The following COL18A1 variants were observed in gnomAD, a reference collection of about 807,000 sequenced individuals.
COL18A1 encodes the protein collagen alpha-1(XVIII) chain.
Under a neutral mutation model 168.0 loss-of-function variants are expected in COL18A1, and 133 were observed. The ratio of observed to expected loss-of-function variants is 0.79; its 90% CI spans 0.69 to 0.91. The LOEUF (loss-of-function observed/expected upper bound fraction) is 0.91. COL18A1 is among the 40% of genes least tolerant of loss of function. COL18A1 has a pLI of 0.00. For missense variants in COL18A1, 2,126 were observed against 1,925.4 expected (o/e 1.10, Z -1.95); for synonymous variants, 949 against 809.0 (o/e 1.17, Z -2.94).
chr21:45,440,177 C>A (rs1252688606), intron 2 of COL18A1, among the ~76,000 whole-genome samples: 2 of 152,222 alleles, frequency 1.3e-5, no homozygotes, highest in East Asian at 3.8e-4. Flanking sequence ...GGCTGTGTGA[C>A]TGCTCCGCAC....
rs2037555293 is a variant in COL18A1 at position 45,510,984 on chromosome 21, ACCC to A, written c.3694-125_3694-123del. The A allele has an allele frequency of 5.9e-3, 304 of 51,214 alleles. 38 individuals carry two copies. The highest frequency in any genetic ancestry group is 0.026 in the Middle Eastern group (4 of 154). The allele number at this position is 51,214 out of a possible 1,614,324, so 3.2% of individuals were successfully genotyped here. ...ACATACACCCCCAAACACCCCCCAC[ACCC>A]CACACACACAACACACCCCCCCCCC... is the stretch of plus-strand genomic sequence containing the variant. On this transcript the variant is annotated intron_variant, in intron 40 of 41. Coordinates refer to ENST00000651438, the MANE Select transcript of COL18A1 (RefSeq NM_001379500.1).
At chr21:45,504,368 G>A in intron 33 of COL18A1, 48 bp from the exon 34 acceptor site, 1 of 1,589,552 alleles carries the variant, frequency 6.3e-7, no homozygotes. Context: ...GCCACCTGTG[G>A]CTTGTAGGGG....
chr21:45,405,601 G>T, intron 2 of COL18A1, 128 bp downstream of exon 2: 2 of 467,096 alleles, frequency 4.3e-6, no homozygotes, highest in Non-Finnish European at 3.2e-6. Context: ...CCCTGCCCAC[G>T]CGCGCAGGAG....
chr21:45,456,870 G>A, intron 2 of COL18A1: 1 of 1,447,664 alleles, frequency 6.9e-7, no homozygotes. Flanking sequence ...GTGCTCATTG[G>A]GCCGGCTGCA....
intron 2 of COL18A1, among the ~76,000 whole-genome samples, chr21:45,440,602 G>C (rs866507464): frequency 2.1e-4 from 32 of 151,352 alleles, no homozygotes; most frequent in Admixed American, 1.1e-3. Context: ...GAAGCAGTCG[G>C]GGCCTGCTGG....
At chr21:45,442,238 C>A (rs571758130) in intron 2 of COL18A1, among the ~76,000 whole-genome samples, 20 of 152,342 alleles carry the variant, frequency 1.3e-4, no homozygotes, top group Non-Finnish European at 2.8e-4. Context: ...GTGAGGAAAC[C>A]CTGCCCGTTC....
intron 2 of COL18A1, among the ~76,000 whole-genome samples, chr21:45,419,294 C>T (rs1221198586): frequency 4.0e-5 from 6 of 151,308 alleles, no homozygotes; most frequent in South Asian, 2.1e-4. Flanking sequence ...CGGGTAGTGA[C>T]GTGATGCCGT....
chr21:45,495,134 A>G, intron 28 of COL18A1: 1 of 641,914 alleles, frequency 1.6e-6, no homozygotes, highest in East Asian at 2.7e-5. Context: ...CTGGAGGCAG[A>G]CAGGGCAGTG....
rs1408214690 is a variant in COL18A1 at position 45,512,388 on chromosome 21, C to T, written c.4010C>T (p.Ala1337Val). The T allele has an allele frequency of 6.2e-7, 1 of 1,612,528 alleles. No homozygotes were observed. Among genetic ancestry groups the T allele is most frequent in the Non-Finnish European group, 8.5e-7 (1 of 1,179,754 alleles). Residue 1337 changes from alanine to valine, a missense_variant, in exon 42 of 42, where the codon GCC (alanine) becomes GTC (valine). Ala to Val is a moderately conservative substitution (Grantham distance 64, BLOSUM62 0). Coordinates refer to ENST00000651438, the MANE Select transcript of COL18A1 (RefSeq NM_001379500.1). ...TGCATTGAGAACAGCTTCATGACTG[C>T]CTCCAAGTAGCCACCGCCTGGATGC... ...VLCIENSFMTASK is the reference protein window; with the variant it reads ...VLCIENSFMTVSK
chr21:45,470,055 G>A (rs1377883746), intron 3 of COL18A1, among the ~76,000 whole-genome samples: 1 of 152,276 alleles, frequency 6.6e-6, no homozygotes, highest in Non-Finnish European at 1.5e-5. Flanking sequence ...AACACTGTTA[G>A]GAAAAGCGGC....
intron 2 of COL18A1, among the ~76,000 whole-genome samples, chr21:45,447,794 A>G (rs1310653410): frequency 6.6e-6 from 1 of 152,126 alleles, no homozygotes; most frequent in East Asian, 1.9e-4. Flanking sequence ...CTTAGAGCCT[A>G]TAGAGCACAT....
chr21:45,467,571 G>T, intron 2 of COL18A1: 1 of 469,148 alleles, frequency 2.1e-6, no homozygotes. Context: ...GTGAAATCCC[G>T]CACCGTGTCC....
At position 45,493,536 on chromosome 21, in the gene COL18A1, C is replaced by T. The variant is rs774037733; in HGVS notation, c.2313C>T (p.Pro771=). Residue 771 remains proline (P), a synonymous_variant, in exon 26 of 42, where the codon CCC becomes CCT. Transcript: ENST00000651438. ...GTGAACCGGGCAGCATCTTCAGCCC[C>T]GACGGCGGTGCCCTGGGCCCTGCCC... ...EKGEPGSIFS[P]DGGALGPAQK... 2.3e-5 allele frequency: 36 copies of T among 1,561,458 alleles called. No individual in the cohort carries two copies. The highest frequency in any genetic ancestry group is 1.9e-4 in the East Asian group (8 of 41,558).
intron 2 of COL18A1, among the ~76,000 whole-genome samples, chr21:45,439,577 C>A (rs1051925143): frequency 6.6e-6 from 1 of 152,276 alleles, no homozygotes; most frequent in Admixed American, 6.5e-5. Flanking sequence ...CCCTGGCGGC[C>A]GGTCCCTGGC....
intron 7 of COL18A1, 124 bp downstream of exon 7, chr21:45,477,611 C>T (rs2035724121): frequency 2.1e-5 from 27 of 1,269,030 alleles, no homozygotes; most frequent in Admixed American, 7.9e-5. Flanking sequence ...GCCCAGCACT[C>T]GGTGCCAGCA....
intron 32 of COL18A1, among the ~76,000 whole-genome samples, chr21:45,500,262 T>TGGGGGGGGGGGG (rs2036711931): frequency 2.5e-5 from 1 of 39,658 alleles, no homozygotes; most frequent in Non-Finnish European, 4.6e-5. Flanking sequence ...TGTGCATATG[T>TGGGGGGGGGGGG]GGGTGTTGGG....
At chr21:45,412,803 C>A (rs2033337585) in intron 2 of COL18A1, among the ~76,000 whole-genome samples, 1 of 152,216 alleles carries the variant, frequency 6.6e-6, no homozygotes, top group South Asian at 2.1e-4. Context: ...TTGACTCTGC[C>A]TTTGTGGATA....
At chr21:45,407,281 G>T (rs1436343307) in intron 2 of COL18A1, 1 of 152,306 alleles carries the variant, frequency 6.6e-6, no homozygotes, top group Admixed American at 6.5e-5. Flanking sequence ...ACCCTTGAGA[G>T]TTGAAGGCCT....
chr21:45,486,021 G>A (rs1056361915), intron 15 of COL18A1, among the ~76,000 whole-genome samples: 2 of 152,208 alleles, frequency 1.3e-5, no homozygotes, highest in African/African-American at 2.4e-5. Flanking sequence ...GCTGGGCCAC[G>A]TCACAGCGGG....
Sources: allele counts gnomAD v4.1 joint callset (sites outside exome capture counted in the v4.1 genomes callset), GRCh38; gene constraint gnomAD v4.1.1; transcripts MANE v1.5; gene names NCBI Gene and HGNC (gene_info 2026-07-23, HGNC 2026-07-21).